ANKRD24: variants seen among roughly 807,000 people sequenced by gnomAD.
ANKRD24 encodes ankyrin repeat domain-containing protein 24.
Under a neutral mutation model 127.8 loss-of-function variants are expected in ANKRD24, and 109 were observed. That is an observed-to-expected ratio of 0.85 (90% confidence interval 0.73 to 1.00). ANKRD24 has a LOEUF of 1.00. ANKRD24 is among the 50% of genes least tolerant of loss of function. The pLI, the probability that ANKRD24 is intolerant of heterozygous loss-of-function variation, is 0.00. For synonymous variants in ANKRD24, 743 were observed against 671.1 expected (o/e 1.11, Z -1.66); for missense variants, 1,648 against 1,570.2 (o/e 1.05, Z -0.84).
At chr19:4,191,361 G>A (rs1968375293) in intron 2 of ANKRD24, among the ~76,000 whole-genome samples, 1 of 152,150 alleles carries the variant, frequency 6.6e-6, no homozygotes, top group African/African-American at 2.4e-5. Flanking sequence ...GTGTCTTCTA[G>A]CCACTGCTAC....
chr19:4,222,559 G>A lies in ANKRD24; in HGVS notation c.3172-111G>A, dbSNP rs188479864. ...GCCAGAGTTTGCTAACCCCAGGGAC[G>A]GGACCTTCCCTTGAAAGCCTTTATC... On this transcript the variant is annotated intron_variant, in intron 19 of 21. Coordinates refer to ENST00000318934, the MANE Select transcript of ANKRD24 (RefSeq NM_001393985.1). 5,426 of 1,316,840 alleles carry A rather than the reference G, an allele frequency of 4.1e-3. 187 individuals carry two copies. In the African/African-American group the frequency reaches 0.072, roughly 17 times the overall value. The allele number at this position is 1,316,840 out of a possible 1,614,324, so 81.6% of individuals were successfully genotyped here.
At chr19:4,209,063 G>A in intron 11 of ANKRD24, 1 of 406,942 alleles carries the variant, frequency 2.5e-6, no homozygotes, top group South Asian at 4.0e-5. Context: ...GAGGGTTGGT[G>A]TCTTCGGGGA....
Position 4,210,314 on chromosome 19 carries a change from G to T in ANKRD24, c.1001G>T (p.Gly334Val). 1 of 1,583,518 alleles carries T rather than the reference G, an allele frequency of 6.3e-7. No homozygotes were observed. Among genetic ancestry groups the T allele is most frequent in the African/African-American group, 1.3e-5 (1 of 74,464 alleles). Residue 334 changes from glycine (G) to valine (V), a missense_variant, in exon 13 of 22, where the codon GGC becomes GTC. Coordinates refer to ENST00000318934, the MANE Select transcript of ANKRD24 (RefSeq NM_001393985.1). ...ATCGTGAGGCTGCGGCAGGAGAGGG[G>T]CCGCCTCCTGCAGAAGATCCGGGGC... is the stretch of plus-strand genomic sequence containing the variant. ...EEIVRLRQER[G>V]RLLQKIRGLE...
rs769374619 is a variant in ANKRD24, at chr19:4,207,906, C to T, written c.770C>T (p.Ala257Val). The T allele has an allele frequency of 1.1e-4, 177 of 1,555,068 alleles. No homozygotes were observed. The highest frequency in any genetic ancestry group is 1.4e-4 in the Non-Finnish European group (167 of 1,152,212). Residue 257 changes from alanine (A) to valine (V), a missense_variant, in exon 10 of 22, where the codon GCG (alanine) becomes GTG (valine). Physicochemically the swap from Ala to Val is moderately conservative, Grantham distance 64. Transcript: ENST00000318934. ...GACGCGGCTCACTATGGCGCCCTGG[C>T]GGGGGACAAACTCATCCTGCACCTT... ...GQDAAHYGAL[A>V]GDKLILHLLQ...
chr19:4,217,721 G>C lies in ANKRD24; in HGVS notation c.2561G>C (p.Arg854Pro). 2.3e-6 allele frequency: 3 copies of C among 1,292,900 alleles called. No individual in the cohort carries two copies. The highest frequency in any genetic ancestry group is 2.9e-6 in the Non-Finnish European group (3 of 1,024,732). The allele number at this position is 1,292,900 out of a possible 1,614,324, so 80.1% of individuals were successfully genotyped here. The change falls in exon 18 of 22, where the codon CGG becomes CCG. Residue 854 changes from arginine to proline, a missense_variant. Arg to Pro is a moderately radical substitution (Grantham distance 103). Coordinates refer to ENST00000318934, the MANE Select transcript of ANKRD24 (RefSeq NM_001393985.1). Reference sequence around the variant, plus strand: ...CAGAGCCGGGAGCTGGAGGTTCTGCGGGAGCAGCTGGCCACGGCCAGGGCC... The same window carrying C: ...CAGAGCCGGGAGCTGGAGGTTCTGCCGGAGCAGCTGGCCACGGCCAGGGCC... ...LEQSRELEVL[R>P]EQLATARATG...
At chr19:4,213,917 G>A (rs1046313881) in intron 15 of ANKRD24, among the ~76,000 whole-genome samples, 12 of 152,118 alleles carry the variant, frequency 7.9e-5, no homozygotes, top group African/African-American at 2.9e-4. Flanking sequence ...TTACAGGTAT[G>A]AGCCACCACA....
At chr19:4,190,410 C>T (rs557650594) in intron 2 of ANKRD24, among the ~76,000 whole-genome samples, 13 of 147,142 alleles carry the variant, frequency 8.8e-5, no homozygotes, top group Middle Eastern at 3.5e-3. Context: ...GGCAACAGAG[C>T]GAGACTCCGT....
At chr19:4,214,369 G>A (rs1969939557) in intron 15 of ANKRD24, among the ~76,000 whole-genome samples, 2 of 151,914 alleles carry the variant, frequency 1.3e-5, no homozygotes, top group African/African-American at 4.8e-5. Context: ...GACTCACTAT[G>A]TTCCCCAGTC....
chr19:4,186,255 G>A (rs352496), intron 1 of ANKRD24, 135 bp from the exon 2 acceptor site: 154,076 of 1,450,442 alleles, frequency 0.11, 8,704 homozygotes, highest in Non-Finnish European at 0.11. Flanking sequence ...AGATAGAGCA[G>A]GTCTGTGTCT....
intron 20 of ANKRD24, among the ~76,000 whole-genome samples, chr19:4,223,395 A>ATTTTTT (rs1337920712): frequency 1.7e-5 from 1 of 58,998 alleles, no homozygotes; most frequent in African/African-American, 8.2e-5. Flanking sequence ...ATATATATAT[A>ATTTTTT]TATATATTTT....
intron 10 of ANKRD24, 88 bp downstream of exon 10, chr19:4,208,056 C>A: frequency 5.3e-6 from 7 of 1,325,470 alleles, no homozygotes; most frequent in Non-Finnish European, 6.0e-6. Context: ...TTTCAAGGTA[C>A]CCCCGATTGG....
At position 4,217,210 on chromosome 19, in the gene ANKRD24, T is replaced by G. The variant is rs353693; in HGVS notation, c.2050T>G (p.Ser684Ala). 0.93 allele frequency: 1,499,765 copies of G among 1,607,902 alleles called. 699,864 individuals are homozygous for G. Among genetic ancestry groups the G allele is most frequent in the East Asian group, 1 (44,656 of 44,660 alleles). Residue 684 changes from serine (S) to alanine (A), a missense_variant, in exon 18 of 22, where the codon TCC becomes GCC. Transcript: ENST00000318934. The part of the protein sequence containing the change: ...ATGSRATGME[S>A]TGVSATGVEN... ...GGGCTCTAGGGCCACAGGGATGGAA[T>G]CCACAGGAGTCAGTGCCACAGGTGT...
chr19:4,195,220 C>G lies in ANKRD24; in HGVS notation c.37-4463C>G, dbSNP rs549425427. On this transcript the variant is annotated intron_variant, in intron 2 of 21. Coordinates refer to ENST00000318934, the MANE Select transcript of ANKRD24 (RefSeq NM_001393985.1). The surrounding 1 kb of genome is among the most constrained non-coding windows in gnomAD (Gnocchi z 4.2). ...CCCGAGTAGCTGGGACTACAGGCGCCCACCACCACGCCCGGCTAATTTTTT... is the reference window on the plus strand; with the variant it reads ...CCCGAGTAGCTGGGACTACAGGCGCGCACCACCACGCCCGGCTAATTTTTT... 2.0e-5 allele frequency among the ~76,000 whole-genome samples: 3 copies of G among 151,758 alleles called. No individual in the cohort carries two copies. The East Asian group carries it at 5.8e-4, about 30-fold the overall frequency.
chr19:4,224,610 C>A lies in ANKRD24; in HGVS notation c.*105C>A. The A allele has an allele frequency of 9.0e-7, 1 of 1,107,266 alleles. No individual in the cohort carries two copies. The highest frequency in any genetic ancestry group is 1.3e-6 in the Non-Finnish European group (1 of 759,890). 68.6% of individuals were successfully genotyped at this position (1,107,266 alleles called of 1,614,324 possible). A position where few individuals can be genotyped will look rare whatever the true frequency, so the allele number is the denominator to read the frequency against. On this transcript the variant is annotated 3_prime_UTR_variant, in exon 22 of 22. Coordinates refer to ENST00000318934, the MANE Select transcript of ANKRD24 (RefSeq NM_001393985.1). ...TCACTTGGCTTCACTTGGCCCTATC[C>A]AGGCCCATGCACTTGGAGACCAGCC...
At chr19:4,186,776 C>G (rs1415509564) in intron 2 of ANKRD24, among the ~76,000 whole-genome samples, 1 of 152,160 alleles carries the variant, frequency 6.6e-6, no homozygotes, top group African/African-American at 2.4e-5. Flanking sequence ...CCACAGTAAC[C>G]CCTTGCTTTT....
At chr19:4,220,114 G>A (rs1454789558) in intron 19 of ANKRD24, among the ~76,000 whole-genome samples, 1 of 152,176 alleles carries the variant, frequency 6.6e-6, no homozygotes, top group Non-Finnish European at 1.5e-5. Context: ...TGGGATTACA[G>A]GCATGCGACA....
At chr19:4,200,194 G>A (rs1969022293) in intron 5 of ANKRD24, 23 bp downstream of exon 5, 1 of 1,573,118 alleles carries the variant, frequency 6.4e-7, no homozygotes, top group Non-Finnish European at 8.6e-7. Flanking sequence ...GGGCCCCGGG[G>A]AGGGAGGAGG....
chr19:4,198,165 A>C lies in ANKRD24; in HGVS notation c.37-1518A>C. ...ATGCAGCCGGCGGCCTGCGCTGGTG[A>C]GGGAGCCGGGCCCCCGGCGCCGCGT... On this transcript the variant is annotated intron_variant, in intron 2 of 21. Coordinates refer to ENST00000318934, the MANE Select transcript of ANKRD24 (RefSeq NM_001393985.1). The surrounding 1 kb of genome is among the most constrained non-coding windows in gnomAD (Gnocchi z 6.1). 1.8e-6 allele frequency: 1 copy of C among 563,426 alleles called. No individual in the cohort carries two copies. Among genetic ancestry groups the C allele is most frequent in the Non-Finnish European group, 3.1e-6 (1 of 317,902 alleles). The allele number at this position is 563,426 out of a possible 1,614,324, so 34.9% of individuals were successfully genotyped here.
At chr19:4,211,834 G>T (rs2145355641) in intron 13 of ANKRD24, among the ~76,000 whole-genome samples, 1 of 152,200 alleles carries the variant, frequency 6.6e-6, no homozygotes, top group East Asian at 1.9e-4. Flanking sequence ...GGTGCATGCT[G>T]GCACACAGTA....
Sources: allele counts gnomAD v4.1 joint callset (sites outside exome capture counted in the v4.1 genomes callset), GRCh38; gene constraint gnomAD v4.1.1; non-coding constraint Gnocchi (gnomAD v3.1); transcripts MANE v1.5; gene names NCBI Gene and HGNC (gene_info 2026-07-23, HGNC 2026-07-21).